MSRA: variants seen among roughly 807,000 people sequenced by gnomAD.
MSRA encodes methionine sulfoxide reductase A, also known as mitochondrial peptide methionine sulfoxide reductase.
Under a neutral mutation model 31.3 loss-of-function variants are expected in MSRA, and 54 were observed. The ratio of observed to expected loss-of-function variants is 1.73; its 90% CI spans 1.39 to 2.17. The LOEUF is 2.17. Among genes scored for constraint, MSRA ranks in the 30% most tolerant of loss-of-function variants. The probability of loss-of-function intolerance (pLI) is 0.00; values close to 1 mark genes in which losing one functional copy is unlikely to be tolerated. For missense variants in MSRA, 507 were observed against 300.9 expected, an observed-to-expected ratio of 1.69 and a Z score of -5.07; for synonymous variants, 169 against 116.5, an observed-to-expected ratio of 1.45 and a Z score of -2.90.
intron 5 of MSRA, among the ~76,000 whole-genome samples, chr8:10,354,503 C>T (rs550445892): frequency 6.6e-6 from 1 of 152,222 alleles, no homozygotes; most frequent in South Asian, 2.1e-4. Flanking sequence ...ATAATAGTAC[C>T]TTTGCTAATC....
At chr8:10,319,447 A>G (rs1172450326) in intron 4 of MSRA, among the ~76,000 whole-genome samples, 1 of 152,156 alleles carries the variant, frequency 6.6e-6, no homozygotes, top group East Asian at 1.9e-4. Context: ...CGTGCCAGGA[A>G]TTTACACAGA....
chr8:10,201,272 T>A (rs939364455), intron 1 of MSRA, among the ~76,000 whole-genome samples: 4 of 151,980 alleles, frequency 2.6e-5, no homozygotes, highest in Non-Finnish European at 5.9e-5. Flanking sequence ...GAGCATGCGG[T>A]ATGGGTTGGG....
At chr8:10,193,748 C>A (rs185102946) in intron 1 of MSRA, among the ~76,000 whole-genome samples, 1 of 152,120 alleles carries the variant, frequency 6.6e-6, no homozygotes, top group South Asian at 2.1e-4. Flanking sequence ...TATGAATATG[C>A]GCTGGGTTAT....
chr8:10,298,522 A>G (rs773931540), intron 3 of MSRA, among the ~76,000 whole-genome samples: 1 of 152,188 alleles, frequency 6.6e-6, no homozygotes, highest in Non-Finnish European at 1.5e-5. Flanking sequence ...GTTTTGCGAG[A>G]TGAAAAGAGT....
chr8:10,055,055 G>C (rs1802260551), intron 1 of MSRA, among the ~76,000 whole-genome samples: 2 of 152,214 alleles, frequency 1.3e-5, no homozygotes, highest in African/African-American at 4.8e-5. Flanking sequence ...CCGGCCGCCG[G>C]GACCCAGGGC....
At chr8:10,164,825 C>T (rs988087548) in intron 1 of MSRA, among the ~76,000 whole-genome samples, 4 of 152,058 alleles carry the variant, frequency 2.6e-5, no homozygotes, top group Non-Finnish European at 5.9e-5. Context: ...GTCAGGAGTT[C>T]GAGACCAGCC....
intron 1 of MSRA, among the ~76,000 whole-genome samples, chr8:10,055,806 G>A (rs1439801481): frequency 6.6e-6 from 1 of 152,212 alleles, no homozygotes; most frequent in Non-Finnish European, 1.5e-5. Flanking sequence ...ATCAGTATGA[G>A]ATTAGAAAAG....
chr8:10,114,599 C>A (rs766863877), intron 1 of MSRA, among the ~76,000 whole-genome samples: 4 of 152,088 alleles, frequency 2.6e-5, no homozygotes, highest in Non-Finnish European at 5.9e-5. Flanking sequence ...TAGATTGATC[C>A]ACAGTTGGGA....
chr8:10,350,738 G>A (rs1233519573), intron 5 of MSRA, among the ~76,000 whole-genome samples: 2 of 152,192 alleles, frequency 1.3e-5, no homozygotes, highest in African/African-American at 4.8e-5. Context: ...ACCCTTGATG[G>A]TGGCAGCACG....
chr8:10,058,910 C>A (rs1169717752), intron 1 of MSRA: 3 of 152,164 alleles, frequency 2.0e-5, no homozygotes, highest in Non-Finnish European at 4.4e-5. Flanking sequence ...CTTTAAACTT[C>A]TTAATGTTTA....
At chr8:10,157,505 A>G (rs1804256607) in intron 1 of MSRA, among the ~76,000 whole-genome samples, 1 of 152,096 alleles carries the variant, frequency 6.6e-6, no homozygotes, top group East Asian at 1.9e-4. Context: ...GAGGTGCATG[A>G]GGAGGGCTTG....
chr8:10,362,976 G>A (rs900808936), intron 5 of MSRA, among the ~76,000 whole-genome samples: 2 of 152,102 alleles, frequency 1.3e-5, no homozygotes, highest in South Asian at 4.1e-4. Flanking sequence ...CAGCATCTTG[G>A]GGAACAATTT....
At chr8:10,217,045 C>G (rs762680678) in intron 2 of MSRA, among the ~76,000 whole-genome samples, 1 of 152,244 alleles carries the variant, frequency 6.6e-6, no homozygotes, top group East Asian at 1.9e-4. Flanking sequence ...TCCAATTTCT[C>G]TGTATCCTTG....
intron 2 of MSRA, among the ~76,000 whole-genome samples, chr8:10,208,916 C>T (rs1263873773): frequency 6.6e-6 from 1 of 152,224 alleles, no homozygotes; most frequent in African/African-American, 2.4e-5. Flanking sequence ...TCAGAACAAC[C>T]TGGTCTATAA....
intron 2 of MSRA, among the ~76,000 whole-genome samples, chr8:10,225,775 G>A (rs1352789646): frequency 1.3e-5 from 2 of 152,208 alleles, no homozygotes; most frequent in African/African-American, 2.4e-5. Flanking sequence ...CCTCAGAGAG[G>A]AGGGATGCAG....
intron 1 of MSRA, among the ~76,000 whole-genome samples, chr8:10,111,455 T>G (rs1473337466): frequency 6.6e-6 from 1 of 152,158 alleles, no homozygotes; most frequent in East Asian, 1.9e-4. Context: ...TAAAATAGAT[T>G]CCCAGGTTAA....
At position 10,237,937 on chromosome 8, in the gene MSRA, C is replaced by T. The variant is rs543365857; in HGVS notation, c.212-7167C>T. ...TGGTTCACTCTAGTCTATTCTCAACCGAGGACAGCCAGAGTGATTTTGTAA... is the reference window on the plus strand; with the variant it reads ...TGGTTCACTCTAGTCTATTCTCAACTGAGGACAGCCAGAGTGATTTTGTAA... On this transcript the variant is annotated intron_variant, in intron 2 of 5. Transcript: ENST00000317173. Among the ~76,000 whole-genome samples the T allele has an allele frequency of 3.3e-5, 5 of 152,280 alleles. No homozygotes were observed. In the East Asian group the frequency reaches 5.8e-4, roughly 18 times the overall value.
intron 3 of MSRA, among the ~76,000 whole-genome samples, chr8:10,281,723 A>G (rs545831173): frequency 1.3e-5 from 2 of 152,254 alleles, no homozygotes; most frequent in Admixed American, 6.5e-5. Context: ...GGGGAATTTT[A>G]CTTTATTCTC....
intron 5 of MSRA, among the ~76,000 whole-genome samples, chr8:10,342,643 G>A (rs1803501334): frequency 6.6e-6 from 1 of 152,158 alleles, no homozygotes; most frequent in African/African-American, 2.4e-5. Context: ...GCTGGGGCAG[G>A]GTCTTAGGGA....
Sources: gnomAD v4.1 joint callset for allele counts (sites outside exome capture counted in the v4.1 genomes callset) on GRCh38, gnomAD v4.1.1 for gene constraint, MANE v1.5 for transcripts, NCBI Gene and HGNC (gene_info 2026-07-23, HGNC 2026-07-21) for gene names.